PNPLA7: variants seen among roughly 807,000 people sequenced by gnomAD.
The protein encoded by PNPLA7 is patatin like domain 7, lysophospholipase, also known as patatin-like phospholipase domain-containing protein 7.
PNPLA7 carries 153 observed loss-of-function variants against 161.7 expected under a neutral mutation model. The observed-to-expected ratio is 0.95, with a 90% confidence interval of 0.83 to 1.08. The LOEUF (loss-of-function observed/expected upper bound fraction) is 1.08. Ranked by LOEUF, PNPLA7 falls within the 50% of genes least tolerant of loss-of-function variation. The pLI is 0.00. For missense variants in PNPLA7, 1,739 were observed against 1,856.6 expected, an observed-to-expected ratio of 0.94 and a Z score of 1.16; for synonymous variants, 809 against 782.1, an observed-to-expected ratio of 1.03 and a Z score of -0.57.
intron 12 of PNPLA7, among the ~76,000 whole-genome samples, chr9:137,511,550 C>T (rs772305577): frequency 1.3e-5 from 2 of 151,998 alleles, no homozygotes; most frequent in Admixed American, 6.5e-5. Context: ...GTAGCGCCAG[C>T]GCCTGGAAGG....
At chr9:137,491,682 TG>T (rs1018519020) in intron 20 of PNPLA7, 54 of 985,138 alleles carry the variant, frequency 5.5e-5, no homozygotes, top group Non-Finnish European at 6.3e-5. Flanking sequence ...CACCCTAGAG[TG>T]GGGCTCACAC....
chr9:137,503,946 AATG>A (rs1380761411), intron 14 of PNPLA7, among the ~76,000 whole-genome samples: 33 of 115,670 alleles, frequency 2.9e-4, no homozygotes, highest in Non-Finnish European at 4.1e-4. Context: ...AAGAAGGAAG[AATG>A]AAGAAGAAGG....
intron 20 of PNPLA7, chr9:137,492,411 T>C (rs899396685): frequency 1.3e-5 from 6 of 473,312 alleles, no homozygotes; most frequent in Non-Finnish European, 1.6e-5. Flanking sequence ...CACATTGAGA[T>C]ACAGTTTGAA....
intron 23 of PNPLA7, 32 bp from the exon 24 acceptor site, chr9:137,479,270 G>A (rs760116924): frequency 1.1e-5 from 16 of 1,491,598 alleles, no homozygotes; most frequent in Middle Eastern, 1.8e-4. Flanking sequence ...TCTGCCAGCC[G>A]GGTGAGCCTG....
rs1833110664 is a variant in PNPLA7, at chr9:137,497,261, G to A, written c.1939C>T (p.Arg647Cys). 6.3e-7 allele frequency: 1 copy of A among 1,588,508 alleles called. No homozygotes were observed. Among genetic ancestry groups the A allele is most frequent in the South Asian group, 1.1e-5 (1 of 87,044 alleles). The stretch of plus-strand genomic sequence containing the variant: ...CCATCATCCTTCCGGATCACAGAGC[G>A]CAGCCGGCCGCTGAGCATGATGTAC... ...CTYIMLSGRL[R>C]SVIRKDDGKK... is the part of the protein sequence containing the mutation. Residue 647 changes from arginine (R) to cysteine (C), a missense_variant, in exon 18 of 35, where the codon CGC becomes TGC. By Grantham distance (180) the Arg-to-Cys change is radical. Coordinates refer to ENST00000406427, the MANE Select transcript of PNPLA7 (RefSeq NM_001098537.3).
chr9:137,501,016 C>T, intron 15 of PNPLA7, 120 bp from the exon 16 acceptor site: 1 of 784,280 alleles, frequency 1.3e-6, no homozygotes, highest in South Asian at 1.8e-5. Context: ...CCGACCTGAT[C>T]AGCTCTGGGC....
Position 137,522,801 on chromosome 9 carries a change from G to A in PNPLA7, c.804C>T (p.Ile268=). The change falls in exon 9 of 35, where the codon ATC becomes ATT. Residue 268 remains isoleucine (I), a synonymous_variant. Transcript: ENST00000406427. ...VSVRAAIPST[I]LRLPAAAFHG... ...GAAAAGCCGCAGCTGGAAGCCGGAG[G>A]ATGGTGGACGGGATGGCCGCGCGGA... 2 of 1,613,874 alleles carry A rather than the reference G, an allele frequency of 1.2e-6. No individual in the cohort carries two copies.
At chr9:137,496,146 T>C (rs897147839) in intron 18 of PNPLA7, among the ~76,000 whole-genome samples, 1 of 150,216 alleles carries the variant, frequency 6.7e-6, no homozygotes, top group African/African-American at 2.5e-5. Context: ...TTTTTGTTTT[T>C]TTTTTTTTGA....
In PNPLA7 at chr9:137,472,356, C is replaced by G. The variant is rs765374775; in HGVS notation, c.2883-4883G>C. Among the ~76,000 whole-genome samples the G allele has an allele frequency of 9.5e-4, 144 of 151,872 alleles. 4 individuals carry two copies. The highest frequency in any genetic ancestry group is 2.0e-3 in the Non-Finnish European group (134 of 67,920). Reference sequence around the variant, plus strand: ...TACCCAGCACTTGAGCCACTGTACCCAGCCTAAACCTCATTTTCTTTATAA... The same window carrying G: ...TACCCAGCACTTGAGCCACTGTACCGAGCCTAAACCTCATTTTCTTTATAA... On this transcript the variant is annotated intron_variant, in intron 25 of 34. Transcript: ENST00000406427.
At chr9:137,518,102 TC>T (rs1834728462) in intron 11 of PNPLA7, among the ~76,000 whole-genome samples, 2 of 85,380 alleles carry the variant, frequency 2.3e-5, no homozygotes, top group East Asian at 4.1e-4. Flanking sequence ...CTCCACTCTG[TC>T]CACTCCATCC....
Position 137,534,759 on chromosome 9 carries a change from C to T in PNPLA7, c.747+5883G>A, listed in dbSNP as rs140928965. Among the ~76,000 whole-genome samples the T allele has an allele frequency of 3.3e-5, 5 of 152,316 alleles. No individual in the cohort carries two copies. In the East Asian group the frequency reaches 5.8e-4, roughly 18 times the overall value. ...TGTAGTTAACCCATGTAACTCCCACCGAAATCAATATGTAGAACATTTCCA... is the reference window on the plus strand; with the variant it reads ...TGTAGTTAACCCATGTAACTCCCACTGAAATCAATATGTAGAACATTTCCA... On this transcript the variant is annotated intron_variant, in intron 8 of 34. Transcript: ENST00000406427.
Position 137,499,008 on chromosome 9 carries a change from G to T in PNPLA7, c.1758-763C>A, listed in dbSNP as rs1833226313. ...AGATGGCAAGACAGTGGCTGGGTGAGGGCGTGAAGGGCGTGAGCGTGGCAC... is the reference window on the plus strand; with the variant it reads ...AGATGGCAAGACAGTGGCTGGGTGATGGCGTGAAGGGCGTGAGCGTGGCAC... On this transcript the variant is annotated intron_variant, in intron 16 of 34. Transcript: ENST00000406427. This position sits in a 1 kb window ranked among gnomAD's most constrained non-coding sequence, Gnocchi z 5.5. Among the ~76,000 whole-genome samples, 1 of 152,068 alleles carries T rather than the reference G, an allele frequency of 6.6e-6. No individual in the cohort carries two copies. Among genetic ancestry groups the T allele is most frequent in the African/African-American group, 2.4e-5 (1 of 41,376 alleles).
intron 23 of PNPLA7, chr9:137,479,601 G>C: frequency 1.0e-6 from 1 of 985,480 alleles, no homozygotes; most frequent in East Asian, 1.1e-4. Flanking sequence ...TCAGAGAGGA[G>C]GAATTTTTAG....
Position 137,547,469 on chromosome 9 carries a change from C to A in PNPLA7, c.106-73G>T. The A allele has an allele frequency of 6.3e-7, 1 of 1,595,760 alleles. No individual in the cohort carries two copies. The highest frequency in any genetic ancestry group is 8.6e-7 in the Non-Finnish European group (1 of 1,164,410). On this transcript the variant is annotated intron_variant, in intron 2 of 34. Transcript: ENST00000406427. This position sits in a 1 kb window ranked among gnomAD's most constrained non-coding sequence, Gnocchi z 4.6. ...AACCCTAGCCCTAAGCCTGCCCCCA[C>A]CCCTGGCTGCCCAACCACAGGCTGG...
intron 27 of PNPLA7, 22 bp from the exon 28 acceptor site, chr9:137,464,217 A>G (rs764371742): frequency 3.1e-6 from 5 of 1,613,080 alleles, no homozygotes; most frequent in Non-Finnish European, 8.5e-7. Flanking sequence ...CGGGGCTCAG[A>G]TGGGCCCTCT....
At chr9:137,479,476 C>A (rs1832102880) in intron 23 of PNPLA7, 1 of 1,224,924 alleles carries the variant, frequency 8.2e-7, no homozygotes, top group Non-Finnish European at 1.0e-6. Flanking sequence ...GACGCCTCCT[C>A]TTTCTGTTTC....
intron 33 of PNPLA7, 189 bp downstream of exon 33, chr9:137,461,347 T>C: frequency 1.7e-6 from 1 of 587,640 alleles, no homozygotes; most frequent in Non-Finnish European, 2.9e-6. Context: ...GTGGTCACAG[T>C]CCCACTGCTG....
In PNPLA7 at chr9:137,498,148, A is replaced by G; in HGVS notation, c.1855T>C (p.Trp619Arg). The change falls in exon 17 of 35, where the codon TGG becomes CGG. Residue 619 changes from tryptophan to arginine, a missense_variant. By Grantham distance (101) the Trp-to-Arg change is moderately radical. Transcript: ENST00000406427. ...GCTCGCCCGGCCTCCACCTCCACCCAGTCCAGGGCAAAGTCGATTTGCCGC... is the reference window on the plus strand; with the variant it reads ...GCTCGCCCGGCCTCCACCTCCACCCGGTCCAGGGCAAAGTCGATTTGCCGC... ...FVRQIDFALD[W>R]VEVEAGRAIY... 6.2e-7 allele frequency: 1 copy of G among 1,613,026 alleles called. No homozygotes were observed. Among genetic ancestry groups the G allele is most frequent in the Non-Finnish European group, 8.5e-7 (1 of 1,179,972 alleles).
intron 21 of PNPLA7, among the ~76,000 whole-genome samples, chr9:137,483,471 T>C (rs1832323574): frequency 6.6e-6 from 1 of 152,204 alleles, no homozygotes; most frequent in Non-Finnish European, 1.5e-5. Context: ...TTATTTATTT[T>C]TGAGATAGAG....
Sources: gnomAD v4.1 joint callset for allele counts (sites outside exome capture counted in the v4.1 genomes callset) on GRCh38, gnomAD v4.1.1 for gene constraint, Gnocchi (gnomAD v3.1) non-coding constraint, MANE v1.5 for transcripts, NCBI Gene and HGNC (gene_info 2026-07-23, HGNC 2026-07-21) for gene names.